Variants in DDB1 observed in about 807,000 individuals in gnomAD.
The protein encoded by DDB1 is DNA damage-binding protein 1.
Under a neutral mutation model 133.1 loss-of-function variants are expected in DDB1, and 18 were observed. The ratio of observed to expected loss-of-function variants is 0.14; its 90% CI spans 0.09 to 0.20. The LOEUF (loss-of-function observed/expected upper bound fraction) is 0.20. DDB1 is among the 10% of genes least tolerant of loss of function. DDB1 has a pLI of 1.00. For synonymous variants in DDB1, 580 were observed against 550.5 expected, an observed-to-expected ratio of 1.05 and a Z score of -0.75; for missense variants, 828 against 1,459.2, an observed-to-expected ratio of 0.57 and a Z score of 7.05.
At position 61,316,941 on chromosome 11, in the gene DDB1, GGATA is replaced by G. The variant is rs1241889144; in HGVS notation, c.1226-378_1226-375del. On this transcript the variant is annotated intron_variant, in intron 10 of 26. Coordinates refer to ENST00000301764, the MANE Select transcript of DDB1 (RefSeq NM_001923.5). Reference sequence around the variant, plus strand: ...TCTCAAAAAAAAAAAAAAAAAAAAAGGATAGATATATATATATATATATATATAT... The same window carrying G: ...TCTCAAAAAAAAAAAAAAAAAAAAAGGATATATATATATATATATATATAT... 6.4e-3 allele frequency among the ~76,000 whole-genome samples: 123 copies of G among 19,356 alleles called. 11 individuals carry two copies. The highest frequency in any genetic ancestry group is 0.02 in the African/African-American group (43 of 2,126). 12.7% of individuals were successfully genotyped at this position (19,356 alleles called of 152,430 possible). A position where few individuals can be genotyped will look rare whatever the true frequency, so the allele number is the denominator to read the frequency against.
At chr11:61,304,158 G>T in intron 21 of DDB1, 123 bp from the exon 22 acceptor site, 1 of 961,930 alleles carries the variant, frequency 1.0e-6, no homozygotes, top group Non-Finnish European at 1.6e-6. Context: ...ACAGGAAACG[G>T]TTTTATGAGG....
chr11:61,301,032 T>C, intron 25 of DDB1, 100 bp from the exon 26 acceptor site: 1 of 1,521,874 alleles, frequency 6.6e-7, no homozygotes, highest in Non-Finnish European at 8.9e-7. Flanking sequence ...TCATCAGGAT[T>C]AGAAAGGAAA....
intron 3 of DDB1, among the ~76,000 whole-genome samples, 163 bp downstream of exon 3, chr11:61,329,795 T>G (rs1433405649): frequency 6.6e-6 from 1 of 152,244 alleles, no homozygotes; most frequent in Non-Finnish European, 1.5e-5. Flanking sequence ...CCTTGGGTCT[T>G]GAGTGAACTA....
intron 2 of DDB1, among the ~76,000 whole-genome samples, chr11:61,331,277 T>C (rs1024863595): frequency 6.6e-6 from 1 of 152,066 alleles, no homozygotes; most frequent in African/African-American, 2.4e-5. Flanking sequence ...GAGAAGAGTT[T>C]TTCTCCTAAA....
chr11:61,331,492 C>T, intron 2 of DDB1, 51 bp downstream of exon 2: 1 of 1,593,058 alleles, frequency 6.3e-7, no homozygotes, highest in Non-Finnish European at 8.6e-7. Flanking sequence ...CATAAAACAA[C>T]CTACGACCAA....
chr11:61,324,238 C>A, intron 6 of DDB1, 101 bp from the exon 7 acceptor site: 1 of 1,312,744 alleles, frequency 7.6e-7, no homozygotes, highest in South Asian at 1.2e-5. Context: ...GCCATTTTAC[C>A]AGCAGACAAA....
intron 8 of DDB1, 67 bp downstream of exon 8, chr11:61,322,944 T>A: frequency 7.6e-7 from 1 of 1,315,160 alleles, no homozygotes; most frequent in Non-Finnish European, 1.1e-6. Flanking sequence ...GTGCCAAACA[T>A]AGGAGAAATT....
At chr11:61,327,057 G>T (rs1232689474) in intron 4 of DDB1, 164 bp from the exon 5 acceptor site, 1 of 616,992 alleles carries the variant, frequency 1.6e-6, no homozygotes, top group East Asian at 2.7e-5. Context: ...AGCTGAGCCT[G>T]GGATGAATTC....
rs1330032474 is a variant in DDB1, at chr11:61,311,903, A to G, written c.2166-8T>C. The G allele has an allele frequency of 4.3e-6, 7 of 1,614,046 alleles. No homozygotes were observed. In the Admixed American group the frequency reaches 1.2e-4, roughly 27 times the overall value. ...TCCTGGTAGCAGATCTTCCTGCAGA[A>G]CAAGTACAGAACAACAGTGTCACTT... On this transcript the variant is annotated splice_region_variant and splice_polypyrimidine_tract_variant and intron_variant, in intron 17 of 26. Coordinates refer to ENST00000301764, the MANE Select transcript of DDB1 (RefSeq NM_001923.5).
chr11:61,330,025 C>T lies in DDB1; in HGVS notation c.260G>A (p.Cys87Tyr). 2 of 1,614,002 alleles carry T rather than the reference C, an allele frequency of 1.2e-6. No homozygotes were observed. Among genetic ancestry groups the T allele is most frequent in the Non-Finnish European group, 1.7e-6 (2 of 1,179,876 alleles). Residue 87 changes from cysteine to tyrosine, a missense_variant, in exon 3 of 27, where the codon TGC becomes TAC. Coordinates refer to ENST00000301764, the MANE Select transcript of DDB1 (RefSeq NM_001923.5). ...LFILTAKYNA[C>Y]ILEYKQSGES... is the part of the protein sequence containing the mutation. ...GCCACTCTGTTTATACTCCAGGATG[C>T]AGGCATTGTACTTCGCTGTCAAGAT... is the stretch of plus-strand genomic sequence containing the variant.
In DDB1 at chr11:61,300,863, C is replaced by T; in HGVS notation, c.3285G>A (p.Glu1095=). 1 of 1,614,180 alleles carries T rather than the reference C, an allele frequency of 6.2e-7. No homozygotes were observed. The highest frequency in any genetic ancestry group is 8.5e-7 in the Non-Finnish European group (1 of 1,180,040). ...ATGFIDGDLI[E]SFLDISRPKM... Reference sequence around the variant, plus strand: ...TGGGGCGGCTAATATCCAGGAAACTCTCAATCAAGTCACCGTCGATGAAAC... The same window carrying T: ...TGGGGCGGCTAATATCCAGGAAACTTTCAATCAAGTCACCGTCGATGAAAC... The change falls in exon 26 of 27, where the codon GAG becomes GAA. Residue 1095 remains glutamate, a synonymous_variant. Transcript: ENST00000301764.
chr11:61,302,394 G>C (rs777290980), intron 24 of DDB1, 35 bp from the exon 25 acceptor site: 3 of 1,605,402 alleles, frequency 1.9e-6, no homozygotes, highest in Admixed American at 3.3e-5. Flanking sequence ...GCTGCAGAGA[G>C]CTCAACCCCA....
intron 10 of DDB1, 121 bp downstream of exon 10, chr11:61,321,474 C>A: frequency 1.8e-5 from 11 of 609,512 alleles, no homozygotes; most frequent in East Asian, 3.7e-5. Context: ...TCTGTTGTTA[C>A]GACTTTCACT....
chr11:61,303,750 CG>C (rs1855838680), intron 22 of DDB1, 114 bp downstream of exon 22: 3 of 1,097,992 alleles, frequency 2.7e-6, no homozygotes, highest in Admixed American at 2.3e-5. Context: ...ATGTCTGCTC[CG>C]GGGAAAACAT....
intron 3 of DDB1, 50 bp from the exon 4 acceptor site, chr11:61,329,634 A>T (rs1014466137): frequency 3.9e-6 from 6 of 1,532,748 alleles, no homozygotes; most frequent in Admixed American, 3.9e-5. Context: ...CCACAGAGCA[A>T]CAGAGGACGC....
At position 61,309,969 on chromosome 11, in the gene DDB1, TAG is replaced by T. The variant is rs762727617; in HGVS notation, c.2402-11_2402-10del. ...CTGGTGGGCATGAAGCACTAGAGAG[TAG>T]AGAGATGACTACGTGATGACAGGTT... On this transcript the variant is annotated splice_polypyrimidine_tract_variant and intron_variant, in intron 19 of 26. Transcript: ENST00000301764. The T allele has an allele frequency of 1.9e-6, 3 of 1,613,782 alleles. No homozygotes were observed. Among genetic ancestry groups the T allele is most frequent in the Non-Finnish European group, 2.5e-6 (3 of 1,179,952 alleles).
At chr11:61,302,103 T>G (rs1855805997) in intron 25 of DDB1, 154 bp downstream of exon 25, 3 of 634,796 alleles carry the variant, frequency 4.7e-6, no homozygotes, top group Admixed American at 5.6e-5. Context: ...TTTGAAATTT[T>G]CCACATGAAA....
chr11:61,313,941 G>A lies in DDB1; in HGVS notation c.1782C>T (p.Thr594=), dbSNP rs1856021318. ...GEIIPRSILM[T]TFESSHYLLC... is the part of the protein sequence containing the mutation. ...GGAGGTAATGGCTACTCTCAAAGGT[G>A]GTCATCAGGATGGAGCGAGGAATGA... The change falls in exon 15 of 27, where the codon ACC becomes ACT. Residue 594 remains threonine, a synonymous_variant. Transcript: ENST00000301764. The A allele has an allele frequency of 1.2e-6, 2 of 1,614,014 alleles. No homozygotes were observed. Among genetic ancestry groups the A allele is most frequent in the Non-Finnish European group, 1.7e-6 (2 of 1,180,040 alleles).
At chr11:61,305,631 G>C (rs1392099979) in intron 21 of DDB1, among the ~76,000 whole-genome samples, 3 of 152,322 alleles carry the variant, frequency 2.0e-5, no homozygotes, top group Non-Finnish European at 4.4e-5. Flanking sequence ...AACAGAAAGA[G>C]TGAAGCGGGG....
Sources: gnomAD v4.1 joint callset for allele counts (sites outside exome capture counted in the v4.1 genomes callset) on GRCh38, gnomAD v4.1.1 for gene constraint, MANE v1.5 for transcripts, NCBI Gene and HGNC (gene_info 2026-07-23, HGNC 2026-07-21) for gene names.